Variants in VPS41 observed in about 807,000 individuals in gnomAD.
The protein encoded by VPS41 is VPS41 subunit of HOPS complex, also known as vacuolar protein sorting-associated protein 41 homolog.
A neutral mutation model predicts 130.9 loss-of-function variants in VPS41; 85 were observed. That is an observed-to-expected ratio of 0.65 (90% CI 0.55 to 0.78). VPS41 has a LOEUF of 0.78. Ranked by LOEUF, VPS41 falls within the 30% of genes least tolerant of loss-of-function variation. The pLI, the probability that VPS41 is intolerant of heterozygous loss-of-function variation, is 0.00. For missense variants in VPS41, 874 were observed against 1,018.7 expected (o/e 0.86, Z 1.93); for synonymous variants, 335 against 332.9 (o/e 1.01, Z -0.07).
At chr7:38,804,011 C>T (rs1374816064) in intron 7 of VPS41, among the ~76,000 whole-genome samples, 2 of 152,172 alleles carry the variant, frequency 1.3e-5, no homozygotes, top group Non-Finnish European at 2.9e-5. Flanking sequence ...AGTTATAATG[C>T]TTCAATCTCC....
intron 5 of VPS41, among the ~76,000 whole-genome samples, chr7:38,827,190 C>G (rs1785297887): frequency 1.3e-5 from 2 of 151,904 alleles, no homozygotes; most frequent in Admixed American, 1.3e-4. Flanking sequence ...AGATTTCAGA[C>G]AAATTAAAAA....
intron 25 of VPS41, among the ~76,000 whole-genome samples, chr7:38,732,190 A>G (rs193176223): frequency 2.0e-5 from 3 of 152,132 alleles, no homozygotes; most frequent in African/African-American, 4.8e-5. Context: ...CCTGAGGTAC[A>G]CTCTCCTGTT....
intron 4 of VPS41, among the ~76,000 whole-genome samples, chr7:38,853,836 A>G (rs1785919814): frequency 6.6e-6 from 1 of 152,240 alleles, no homozygotes; most frequent in Non-Finnish European, 1.5e-5. Context: ...TTTAAGGGAT[A>G]TTTGCCTAAA....
chr7:38,823,633 T>C (rs912830879), intron 5 of VPS41, among the ~76,000 whole-genome samples: 21 of 152,338 alleles, frequency 1.4e-4, no homozygotes, highest in African/African-American at 4.6e-4. Flanking sequence ...GTTATAATTT[T>C]GGGAAATAGA....
intron 5 of VPS41, among the ~76,000 whole-genome samples, chr7:38,823,425 T>C (rs1334480223): frequency 6.6e-6 from 1 of 152,248 alleles, no homozygotes; most frequent in Non-Finnish European, 1.5e-5. Context: ...CTGTTATTTA[T>C]AAACTACCCA....
chr7:38,891,339 A>T (rs1367991819), intron 2 of VPS41, among the ~76,000 whole-genome samples: 1 of 152,258 alleles, frequency 6.6e-6, no homozygotes, highest in Non-Finnish European at 1.5e-5. Context: ...GATAGTAAAT[A>T]AAATTAAAAA....
intron 2 of VPS41, among the ~76,000 whole-genome samples, chr7:38,881,458 TATTCACAGGTTC>T (rs1357594310): frequency 6.6e-6 from 1 of 152,196 alleles, no homozygotes. Flanking sequence ...TAACATGACA[TATTCACAGGTTC>T]CAGGGATTAG....
chr7:38,771,279 T>TA (rs769788879), intron 13 of VPS41, 25 bp from the exon 14 acceptor site: 46 of 1,446,166 alleles, frequency 3.2e-5, no homozygotes, highest in Admixed American at 9.6e-5. Context: ...TAAGGATGAT[T>TA]TAAAAAAAAA....
At chr7:38,857,342 C>A (rs1348257195) in intron 4 of VPS41, among the ~76,000 whole-genome samples, 1 of 152,052 alleles carries the variant, frequency 6.6e-6, no homozygotes, top group African/African-American at 2.4e-5. Flanking sequence ...TACTATAGTG[C>A]CTTACAGCAA....
intron 14 of VPS41, among the ~76,000 whole-genome samples, chr7:38,768,341 G>A (rs1016558206): frequency 5.3e-5 from 8 of 151,886 alleles, no homozygotes; most frequent in African/African-American, 1.2e-4. Context: ...TATAAGAAAC[G>A]TTGGGTGTTG....
chr7:38,817,746 G>A, intron 7 of VPS41, 71 bp downstream of exon 7: 9 of 1,240,116 alleles, frequency 7.3e-6, no homozygotes, highest in Non-Finnish European at 1.1e-5. Flanking sequence ...AAAACATTAA[G>A]GATAAATTAC....
intron 4 of VPS41, among the ~76,000 whole-genome samples, chr7:38,854,556 T>C (rs981489563): frequency 6.6e-6 from 1 of 152,148 alleles, no homozygotes; most frequent in Non-Finnish European, 1.5e-5. Context: ...GTCATGGCCA[T>C]ACAATTTCCT....
chr7:38,784,243 G>T (rs10254617), intron 10 of VPS41, among the ~76,000 whole-genome samples: 88,717 of 152,006 alleles, frequency 0.58, 26,548 homozygotes, highest in East Asian at 0.88. Context: ...AGGGAAGGAG[G>T]CTCAGAGGGG....
At chr7:38,905,842 G>A (rs931045048) in intron 1 of VPS41, among the ~76,000 whole-genome samples, 5 of 152,130 alleles carry the variant, frequency 3.3e-5, no homozygotes, top group African/African-American at 1.2e-4. Context: ...CACCCAGGCT[G>A]GAGTGCAATG....
At chr7:38,830,877 T>A (rs976046258) in intron 4 of VPS41, among the ~76,000 whole-genome samples, 1 of 152,198 alleles carries the variant, frequency 6.6e-6, no homozygotes, top group Non-Finnish European at 1.5e-5. Flanking sequence ...GATAGATATT[T>A]GATCCATTTT....
chr7:38,903,429 C>T lies in VPS41; in HGVS notation c.22-5300G>A, dbSNP rs114055971. Reference sequence around the variant, plus strand: ...CCCACATACTGTTGGGGAAGAAAAACAGAATTTGGGGGAGAAATGGTAGCC... The same window carrying T: ...CCCACATACTGTTGGGGAAGAAAAATAGAATTTGGGGGAGAAATGGTAGCC... On this transcript the variant is annotated intron_variant, in intron 1 of 28. Transcript: ENST00000310301. 4.9e-3 allele frequency among the ~76,000 whole-genome samples: 744 copies of T among 152,202 alleles called. 6 individuals are homozygous for T. Among genetic ancestry groups the T allele is most frequent in the African/African-American group, 0.017 (699 of 41,520 alleles).
At chr7:38,898,599 A>C (rs1461399216) in intron 1 of VPS41, among the ~76,000 whole-genome samples, 2 of 152,244 alleles carry the variant, frequency 1.3e-5, no homozygotes, top group African/African-American at 4.8e-5. Context: ...AGAATCTCCT[A>C]CAGTGGTACC....
intron 6 of VPS41, among the ~76,000 whole-genome samples, chr7:38,819,423 C>T (rs1785124674): frequency 6.6e-6 from 1 of 152,230 alleles, no homozygotes; most frequent in African/African-American, 2.4e-5. Context: ...TCCCAGGACA[C>T]GGCCCCTCTC....
rs191672344 is a variant in VPS41 at position 38,779,267 on chromosome 7, G to C, written c.785-2491C>G. Among the ~76,000 whole-genome samples the C allele has an allele frequency of 2.0e-5, 3 of 152,276 alleles. No individual in the cohort carries two copies. In the East Asian group the frequency reaches 5.8e-4, roughly 29 times the overall value. ...TGGTACATGAAAATAATATTGTCAA[G>C]ACTTCCAGACGCACAGGTAAGCAAG... On this transcript the variant is annotated intron_variant, in intron 10 of 28. Transcript: ENST00000310301.
Sources: allele counts gnomAD v4.1 joint callset (sites outside exome capture counted in the v4.1 genomes callset), GRCh38; gene constraint gnomAD v4.1.1; transcripts MANE v1.5; gene names NCBI Gene and HGNC (gene_info 2026-07-23, HGNC 2026-07-21).